NUP210L: variants seen among roughly 807,000 people sequenced by gnomAD.
NUP210L encodes the protein nuclear pore membrane glycoprotein 210-like.
In NUP210L, 74 loss-of-function variants were observed where a neutral mutation model predicts 208.5. The observed-to-expected ratio is 0.35, with a 90% CI of 0.29 to 0.43. The LOEUF is 0.43. Among genes scored for constraint, NUP210L ranks in the 20% least tolerant of loss-of-function variants. NUP210L has a pLI of 1.00. For synonymous variants in NUP210L, 780 were observed against 816.9 expected, an observed-to-expected ratio of 0.95 and a Z score of 0.77; for missense variants, 1,843 against 2,289.4, an observed-to-expected ratio of 0.81 and a Z score of 3.98.
chr1:154,013,337 G>A (rs986427503), intron 33 of NUP210L, among the ~76,000 whole-genome samples: 1 of 152,196 alleles, frequency 6.6e-6, no homozygotes, highest in African/African-American at 2.4e-5. Flanking sequence ...ACTCTGGGAG[G>A]CTGAGGCGGG....
At chr1:154,024,364 T>TA (rs1651732651) in intron 30 of NUP210L, among the ~76,000 whole-genome samples, 1 of 152,146 alleles carries the variant, frequency 6.6e-6, no homozygotes, top group African/African-American at 2.4e-5. Flanking sequence ...ATGGGGATAA[T>TA]AATGCCTACC....
chr1:154,100,815 G>A (rs992814780), intron 13 of NUP210L, among the ~76,000 whole-genome samples: 6 of 151,118 alleles, frequency 4.0e-5, no homozygotes, highest in Non-Finnish European at 8.8e-5. Flanking sequence ...ACCGCACCCA[G>A]CCACAAGCAG....
At chr1:154,091,699 C>T (rs959465176) in intron 15 of NUP210L, among the ~76,000 whole-genome samples, 94 of 151,608 alleles carry the variant, frequency 6.2e-4, no homozygotes, top group African/African-American at 7.5e-4. Context: ...TGGGGTTTCA[C>T]CATATTGGCC....
intron 16 of NUP210L, among the ~76,000 whole-genome samples, chr1:154,082,383 A>G (rs1279999152): frequency 2.0e-5 from 3 of 152,190 alleles, no homozygotes; most frequent in Non-Finnish European, 4.4e-5. Flanking sequence ...ACAATTGTAA[A>G]TGCGTATGTA....
Position 154,009,992 on chromosome 1 carries a change from G to GT in NUP210L, c.4909_4910insA (p.Ser1637TyrfsTer31). ...CTTACCTTTCTCCATACTGAAATCT[G>GT]AATGGACCTGAAAGACTTTACTTGC... On this transcript the variant is annotated frameshift_variant, in exon 35 of 40. Coordinates refer to ENST00000368559, the Ensembl canonical transcript of NUP210L. LOFTEE classifies it high-confidence loss of function. 6.2e-7 allele frequency: 1 copy of GT among 1,612,144 alleles called. No individual in the cohort carries two copies. The highest frequency in any genetic ancestry group is 8.5e-7 in the Non-Finnish European group (1 of 1,179,120).
At chr1:154,091,081 T>C (rs1194005975) in intron 15 of NUP210L, among the ~76,000 whole-genome samples, 1 of 139,910 alleles carries the variant, frequency 7.1e-6, no homozygotes, top group Non-Finnish European at 1.5e-5. Context: ...GTTATTATTA[T>C]TATTATTATT....
At chr1:154,151,012 T>C (rs888303238) in intron 2 of NUP210L, among the ~76,000 whole-genome samples, 3 of 152,142 alleles carry the variant, frequency 2.0e-5, no homozygotes, top group Admixed American at 6.6e-5. Context: ...GGAAAGTTGA[T>C]TTAAGGATAC....
At chr1:154,103,977 A>G in intron 13 of NUP210L, 35 bp downstream of exon 13, 1 of 1,504,552 alleles carries the variant, frequency 6.6e-7, no homozygotes, top group Non-Finnish European at 9.1e-7. Flanking sequence ...ATAAATAAAG[A>G]CAAAGGAAGG....
At position 154,071,912 on chromosome 1, in the gene NUP210L, G is replaced by A. The variant is rs182962263; in HGVS notation, c.2362-1447C>T. ...CGGCCTCCCAAAGCGCTGAGATTACGGGCGTGAGCCACCACGTCTGGCCCT... is the reference window on the plus strand; with the variant it reads ...CGGCCTCCCAAAGCGCTGAGATTACAGGCGTGAGCCACCACGTCTGGCCCT... On this transcript the variant is annotated intron_variant, in intron 16 of 39. Coordinates refer to ENST00000368559, the Ensembl canonical transcript of NUP210L. 4.0e-4 allele frequency among the ~76,000 whole-genome samples: 60 copies of A among 151,786 alleles called. No homozygotes were observed. The East Asian group carries it at 7.7e-3, about 20-fold the overall frequency.
chr1:154,081,080 G>A (rs900329071), intron 16 of NUP210L, among the ~76,000 whole-genome samples: 2 of 151,508 alleles, frequency 1.3e-5, no homozygotes, highest in African/African-American at 4.8e-5. Flanking sequence ...ATAGCAAAAT[G>A]GCAGACATAA....
At chr1:154,127,594 C>T (rs922337682) in intron 8 of NUP210L, among the ~76,000 whole-genome samples, 177 bp from the exon 9 acceptor site, 2 of 147,180 alleles carry the variant, frequency 1.4e-5, no homozygotes, top group African/African-American at 2.5e-5. Flanking sequence ...GCTTTGTCAC[C>T]CAGGCTGGAG....
At chr1:154,039,029 C>T (rs1199287686) in intron 27 of NUP210L, among the ~76,000 whole-genome samples, 5 of 152,034 alleles carry the variant, frequency 3.3e-5, no homozygotes, top group Admixed American at 1.3e-4. Context: ...ACTCAAGATA[C>T]GAGTAGTTTA....
At chr1:154,082,504 C>T (rs1016041729) in intron 16 of NUP210L, among the ~76,000 whole-genome samples, 3 of 151,932 alleles carry the variant, frequency 2.0e-5, no homozygotes, top group African/African-American at 7.3e-5. Context: ...GTGGAGATTC[C>T]CAGAGGATGG....
At chr1:154,108,281 A>G (rs969807926) in intron 12 of NUP210L, among the ~76,000 whole-genome samples, 3 of 151,962 alleles carry the variant, frequency 2.0e-5, no homozygotes, top group African/African-American at 7.3e-5. Context: ...CCTCAGCCTC[A>G]TGAGTAGCTG....
chr1:154,049,357 A>G (rs1653365255), intron 25 of NUP210L, among the ~76,000 whole-genome samples: 1 of 152,206 alleles, frequency 6.6e-6, no homozygotes, highest in Non-Finnish European at 1.5e-5. Flanking sequence ...CATATGATGC[A>G]TGAAATAGGG....
In NUP210L at chr1:153,993,162, G is replaced by A. The variant is rs868253124; in HGVS notation, c.5492-73C>T. On this transcript the variant is annotated intron_variant, in intron 38 of 39. Transcript: ENST00000368559. The stretch of plus-strand genomic sequence containing the variant: ...TAAAAGGCAAAGTCAACTCTAGAAT[G>A]AGAATATTGCTAAAAATAATTCTTA... The A allele has an allele frequency of 3.0e-5, 28 of 929,842 alleles. No individual in the cohort carries two copies. In the South Asian group the frequency reaches 3.7e-4, roughly 12 times the overall value. The allele number at this position is 929,842 out of a possible 1,614,324, so 57.6% of individuals were successfully genotyped here. A position where few individuals can be genotyped will look rare whatever the true frequency, so the allele number is the denominator to read the frequency against.
chr1:154,125,693 G>GA (rs1657888582), intron 10 of NUP210L, among the ~76,000 whole-genome samples: 1 of 16,318 alleles, frequency 6.1e-5, no homozygotes, highest in African/African-American at 1.4e-4. Flanking sequence ...AAGGAAGGAA[G>GA]GAAGGAAGGA....
chr1:154,117,918 GA>G (rs1392395232), intron 11 of NUP210L, 38 bp from the exon 12 acceptor site: 2 of 1,486,926 alleles, frequency 1.3e-6, no homozygotes, highest in Admixed American at 4.0e-5. Flanking sequence ...ACAATCGGAA[GA>G]AAATAAAATT....
chr1:154,096,440 G>C, intron 14 of NUP210L, among the ~76,000 whole-genome samples: 1 of 152,144 alleles, frequency 6.6e-6, no homozygotes, highest in East Asian at 1.9e-4. Flanking sequence ...CAGACTTAGA[G>C]TAGGTAAAGA....
Sources: allele counts gnomAD v4.1 joint callset (sites outside exome capture counted in the v4.1 genomes callset), GRCh38; gene constraint gnomAD v4.1.1; transcripts MANE v1.5; gene names NCBI Gene and HGNC (gene_info 2026-07-23, HGNC 2026-07-21).